PHF21B: variants seen among roughly 807,000 people sequenced by gnomAD.
The protein encoded by PHF21B is PHD finger protein 4.
PHF21B carries 22 observed loss-of-function variants against 62.2 expected under a neutral mutation model. That is an observed-to-expected ratio of 0.35 (90% CI 0.25 to 0.51). PHF21B has a LOEUF of 0.51. PHF21B is among the 20% of genes least tolerant of loss of function. PHF21B has a pLI of 0.97. For synonymous variants in PHF21B, 341 were observed against 314.7 expected, an observed-to-expected ratio of 1.08 and a Z score of -0.88; for missense variants, 701 against 707.9, an observed-to-expected ratio of 0.99 and a Z score of 0.11.
chr22:44,905,611 A>C (rs2147281246), intron 5 of PHF21B, among the ~76,000 whole-genome samples: 1 of 152,240 alleles, frequency 6.6e-6, no homozygotes, highest in East Asian at 1.9e-4. Flanking sequence ...TTACCTGGGC[A>C]CAATTTCTTT....
At chr22:44,998,366 T>C (rs1046495815) in intron 2 of PHF21B, among the ~76,000 whole-genome samples, 2 of 152,224 alleles carry the variant, frequency 1.3e-5, no homozygotes, top group Non-Finnish European at 2.9e-5. Context: ...GAAGTAAATT[T>C]AATTGTGAAA....
At chr22:44,930,257 G>A (rs999014664) in intron 2 of PHF21B, among the ~76,000 whole-genome samples, 1 of 152,198 alleles carries the variant, frequency 6.6e-6, no homozygotes, top group Non-Finnish European at 1.5e-5. Flanking sequence ...CCTGTGGAGG[G>A]GAGAGGGAGA....
intron 2 of PHF21B, among the ~76,000 whole-genome samples, chr22:44,930,070 T>C (rs2071710201): frequency 6.6e-6 from 1 of 152,072 alleles, no homozygotes. Flanking sequence ...CTTGCCCGGG[T>C]CACCAAGAGT....
intron 5 of PHF21B, among the ~76,000 whole-genome samples, chr22:44,904,961 C>T (rs766867648): frequency 5.3e-5 from 8 of 152,164 alleles, no homozygotes; most frequent in Non-Finnish European, 1.0e-4. Context: ...TCTGTCATTC[C>T]GCTGTTTTTG....
In PHF21B at chr22:44,882,063, A is replaced by G. The variant is rs371145769; in HGVS notation, c.*1023T>C. The G allele has an allele frequency of 6.5e-6, 1 of 152,754 alleles. No homozygotes were observed. Among genetic ancestry groups the G allele is most frequent in the Non-Finnish European group, 1.5e-5 (1 of 68,056 alleles). 9.5% of individuals were successfully genotyped at this position (152,754 alleles called of 1,614,324 possible). ...AAGGAAGTCAGCCAGAGTCCCCCCA[A>G]CCATTCACATTAAATATCTCACAAT... On this transcript the variant is annotated 3_prime_UTR_variant, in exon 13 of 13. Coordinates refer to ENST00000313237, the MANE Select transcript of PHF21B (RefSeq NM_138415.5).
intron 2 of PHF21B, among the ~76,000 whole-genome samples, chr22:44,964,483 C>T (rs528690249): frequency 1.1e-4 from 17 of 152,230 alleles, no homozygotes; most frequent in Non-Finnish European, 2.1e-4. Context: ...AACCTCCGAT[C>T]TTCAGCAGCG....
intron 2 of PHF21B, among the ~76,000 whole-genome samples, chr22:44,994,325 G>A (rs2073086204): frequency 6.6e-6 from 1 of 152,216 alleles, no homozygotes; most frequent in Non-Finnish European, 1.5e-5. Flanking sequence ...GAGCTTATAA[G>A]ACAAGGAGAA....
At chr22:44,884,713 CCAT>C (rs1480539727) in intron 12 of PHF21B, among the ~76,000 whole-genome samples, 1 of 146,054 alleles carries the variant, frequency 6.8e-6, no homozygotes, top group Non-Finnish European at 1.5e-5. Context: ...ACCATCACCA[CCAT>C]GATCACCATC....
At chr22:44,939,826 C>G (rs16993154) in intron 2 of PHF21B, among the ~76,000 whole-genome samples, 1,560 of 152,154 alleles carry the variant, frequency 0.01, 28 homozygotes, top group African/African-American at 0.035. Flanking sequence ...GCCCAGTAAT[C>G]CAAGATGAAT....
rs192572716 is a variant in PHF21B, at chr22:44,953,716, T to C, written c.121-33226A>G. ...AGAATTTTGAAGAATGCATTGGACT[T>C]TGTCAGACCCAAATGCACCCATTAG... On this transcript the variant is annotated intron_variant, in intron 2 of 12. Transcript: ENST00000313237. Among the ~76,000 whole-genome samples the C allele has an allele frequency of 1.7e-4, 26 of 152,318 alleles. No homozygotes were observed. In the East Asian group the frequency reaches 1.9e-3, roughly 11 times the overall value.
At chr22:44,895,940 G>T in intron 6 of PHF21B, 92 bp downstream of exon 6, 1 of 1,404,260 alleles carries the variant, frequency 7.1e-7, no homozygotes. Flanking sequence ...TGCTGCTGAA[G>T]CCCAGACCAC....
chr22:44,885,580 G>A (rs368345614), intron 11 of PHF21B, 51 bp from the exon 12 acceptor site: 367 of 1,507,808 alleles, frequency 2.4e-4, no homozygotes, highest in South Asian at 4.3e-4. Context: ...AGGAGCGGCT[G>A]GGTCGTAGAG....
intron 2 of PHF21B, among the ~76,000 whole-genome samples, chr22:44,968,473 G>A (rs2072573579): frequency 6.6e-6 from 1 of 152,048 alleles, no homozygotes; most frequent in Admixed American, 6.5e-5. Context: ...GCAAAACCCT[G>A]TCTCTACTAA....
At chr22:44,953,033 G>A (rs1287160201) in intron 2 of PHF21B, among the ~76,000 whole-genome samples, 1 of 152,186 alleles carries the variant, frequency 6.6e-6, no homozygotes, top group Admixed American at 6.5e-5. Flanking sequence ...ACAGAAGTGG[G>A]CTGGGGTGGG....
At chr22:44,989,490 G>C (rs2073007857) in intron 2 of PHF21B, 1 of 151,732 alleles carries the variant, frequency 6.6e-6, no homozygotes, top group Non-Finnish European at 1.5e-5. Flanking sequence ...TGTTGTTCAT[G>C]AATGAGGAAC....
intron 2 of PHF21B, among the ~76,000 whole-genome samples, chr22:44,996,065 T>C (rs73429712): frequency 8.9e-4 from 136 of 152,146 alleles, no homozygotes; most frequent in African/African-American, 3.1e-3. Context: ...ATTTCTGGCT[T>C]CTCTTGAAAA....
chr22:44,901,765 T>G (rs929862639), intron 5 of PHF21B: 4 of 319,376 alleles, frequency 1.3e-5, no homozygotes, highest in African/African-American at 8.7e-5. Flanking sequence ...CTGCTACATA[T>G]TCCAGAAAGG....
chr22:44,884,319 A>G (rs2070805440), intron 12 of PHF21B, among the ~76,000 whole-genome samples: 1 of 123,828 alleles, frequency 8.1e-6, no homozygotes, highest in African/African-American at 3.2e-5. Context: ...CACTGTGATC[A>G]GCACCATCAC....
chr22:45,004,240 A>G (rs1457631556), intron 2 of PHF21B, among the ~76,000 whole-genome samples: 1 of 152,250 alleles, frequency 6.6e-6, no homozygotes, highest in Non-Finnish European at 1.5e-5. Flanking sequence ...TATGTAAAAT[A>G]TATCTCAATA....
Sources: gnomAD v4.1 joint callset for allele counts (sites outside exome capture counted in the v4.1 genomes callset) on GRCh38, gnomAD v4.1.1 for gene constraint, MANE v1.5 for transcripts, NCBI Gene and HGNC (gene_info 2026-07-23, HGNC 2026-07-21) for gene names.